Variants in NUMA1 observed in about 807,000 individuals in gnomAD.
NUMA1 encodes SP-H antigen.
A neutral mutation model predicts 237.1 loss-of-function variants in NUMA1; 62 were observed. The ratio of observed to expected loss-of-function variants is 0.26; its 90% CI spans 0.21 to 0.32. NUMA1 has a LOEUF of 0.32. Among genes scored for constraint, NUMA1 ranks in the 10% least tolerant of loss-of-function variants. The probability of loss-of-function intolerance (pLI) is 1.00; values close to 1 mark genes in which losing one functional copy is unlikely to be tolerated. For missense variants in NUMA1, 2,533 were observed against 2,666.5 expected (o/e 0.95, Z 1.10); for synonymous variants, 1,028 against 1,066.1 (o/e 0.96, Z 0.70).
intron 2 of NUMA1, among the ~76,000 whole-genome samples, chr11:72,069,241 T>C (rs942072294): frequency 5.3e-5 from 8 of 152,160 alleles, no homozygotes; most frequent in African/African-American, 7.2e-5. Flanking sequence ...CTGGAAGAAA[T>C]CTTCAAGATC....
chr11:72,003,508 A>G lies in NUMA1; in HGVS notation c.*19T>C, dbSNP rs1005868683. The stretch of plus-strand genomic sequence containing the variant: ...CAGCATCGGGGACACAGGTGGGGCC[A>G]CTCACTGGTACTGGCCCTTTAGTGC... On this transcript the variant is annotated 3_prime_UTR_variant, in exon 27 of 27. Coordinates refer to ENST00000393695, the MANE Select transcript of NUMA1 (RefSeq NM_006185.4). The G allele has an allele frequency of 1.9e-6, 3 of 1,613,702 alleles. No individual in the cohort carries two copies. Among genetic ancestry groups the G allele is most frequent in the South Asian group, 1.1e-5 (1 of 91,078 alleles).
intron 20 of NUMA1, 44 bp downstream of exon 20, chr11:72,008,644 A>G: frequency 6.3e-7 from 1 of 1,596,046 alleles, no homozygotes; most frequent in African/African-American, 1.3e-5. Flanking sequence ...GATAAACAGC[A>G]GGCACTCCAT....
In NUMA1 at chr11:72,016,448, G is replaced by A. The variant is rs1404718812; in HGVS notation, c.1202C>T (p.Pro401Leu). The A allele has an allele frequency of 6.2e-7, 1 of 1,614,088 alleles. No homozygotes were observed. Among genetic ancestry groups the A allele is most frequent in the East Asian group, 2.2e-5 (1 of 44,870 alleles). ...CAGCACCTCGCCCTTCTCCTGGGGT[G>A]GGTTATCCTGCAGCTGGGACAAGTG... ...EEHLSQLQDN[P>L]PQEKGEVLGD... The change falls in exon 14 of 27, where the codon CCA becomes CTA. Residue 401 changes from proline to leucine, a missense_variant. Around this residue, in one of 3 missense-constraint regions of NUMA1, gnomAD observed 1,414 missense variants for 1,508.1 expected, o/e 0.94. Transcript: ENST00000393695.
chr11:72,074,747 A>G (rs560172112), intron 1 of NUMA1, among the ~76,000 whole-genome samples: 2 of 151,296 alleles, frequency 1.3e-5, no homozygotes, highest in South Asian at 2.1e-4. Flanking sequence ...TCAAAATAAC[A>G]AACAGGCTGG....
chr11:72,006,816 G>T (rs1278711189), intron 21 of NUMA1, among the ~76,000 whole-genome samples: 1 of 152,190 alleles, frequency 6.6e-6, no homozygotes, highest in African/African-American at 2.4e-5. Context: ...GGAAACAAAG[G>T]CAAGGGCCTG....
At chr11:72,018,729 G>T in intron 10 of NUMA1, 94 bp downstream of exon 10, 1 of 1,449,260 alleles carries the variant, frequency 6.9e-7, no homozygotes, top group Non-Finnish European at 9.4e-7. Flanking sequence ...TGAGCTCTCA[G>T]CTCCAGGGGC....
rs894724100 is a variant in NUMA1 at position 72,034,594 on chromosome 11, G to A, written c.42+1308C>T. ...ATGGTGGCGTGCACCTGTAATCCCA[G>A]CTACTCGGGAGGCTGAAGCAGGAGA... On this transcript the variant is annotated intron_variant, in intron 3 of 26. Transcript: ENST00000393695. Among the ~76,000 whole-genome samples the A allele has an allele frequency of 5.3e-5, 8 of 152,094 alleles. 1 individual carries two copies. The East Asian group carries it at 1.6e-3, about 30-fold the overall frequency.
intron 2 of NUMA1, among the ~76,000 whole-genome samples, chr11:72,051,266 G>A (rs540648413): frequency 2.6e-5 from 4 of 152,244 alleles, no homozygotes; most frequent in African/African-American, 7.2e-5. Context: ...TGGCATCACT[G>A]AGAAGTACAA....
intron 26 of NUMA1, 39 bp from the exon 27 acceptor site, chr11:72,003,577 C>A: frequency 3.1e-6 from 5 of 1,613,638 alleles, no homozygotes; most frequent in Non-Finnish European, 4.2e-6. Context: ...TGAGAACTTG[C>A]GATACTAGCC....
At chr11:72,024,473 C>A in intron 4 of NUMA1, 120 bp from the exon 5 acceptor site, 1 of 878,882 alleles carries the variant, frequency 1.1e-6, no homozygotes, top group East Asian at 2.4e-5. Flanking sequence ...TGGAAGAGAT[C>A]CAGATCAGAT....
intron 3 of NUMA1, among the ~76,000 whole-genome samples, chr11:72,035,654 A>G (rs894821900): frequency 2.6e-5 from 4 of 151,678 alleles, no homozygotes; most frequent in African/African-American, 9.7e-5. Context: ...CAGGTGATCC[A>G]CCTGCCTCGG....
rs773703275 is a variant in NUMA1, at chr11:72,009,102, C to T, written c.4923G>A (p.Leu1641=). 2 of 1,613,254 alleles carry T rather than the reference C, an allele frequency of 1.2e-6. No individual in the cohort carries two copies. The highest frequency in any genetic ancestry group is 1.3e-5 in the African/African-American group (1 of 74,944). Reference sequence around the variant, plus strand: ...CTCGCAGCTCTTTGTTTTCCTTCTGCAGCTGCTCCAGGCTCCGCAGCTGCT... The same window carrying T: ...CTCGCAGCTCTTTGTTTTCCTTCTGTAGCTGCTCCAGGCTCCGCAGCTGCT... The part of the protein sequence containing the change: ...LQEQLRSLEQ[L]QKENKELRAE... Residue 1641 remains leucine (L), a synonymous_variant, in exon 19 of 27, where the codon CTG becomes CTA. Coordinates refer to ENST00000393695, the MANE Select transcript of NUMA1 (RefSeq NM_006185.4).
At chr11:72,008,056 CA>C (rs1307511378) in intron 20 of NUMA1, 3 of 468,962 alleles carry the variant, frequency 6.4e-6, no homozygotes, top group Non-Finnish European at 1.3e-5. Context: ...CTCTATGCCC[CA>C]GATTCATCTG....
rs1956257336 is a variant in NUMA1, at chr11:72,013,052, C to A, written c.4451G>T (p.Arg1484Leu). ...EKYVQELAAV[R>L]ADAETRLAEV... ...AGCCAGACGGGTCTCAGCATCAGCACGTACGGCTGCCAACTCTTGGACATA... is the reference window on the plus strand; with the variant it reads ...AGCCAGACGGGTCTCAGCATCAGCAAGTACGGCTGCCAACTCTTGGACATA... The change falls in exon 15 of 27, where the codon CGT (arginine) becomes CTT (leucine). Residue 1484 changes from arginine (R) to leucine (L), a missense_variant. This residue lies in a region of NUMA1 where 324 missense variants were observed against 407.6 expected (regional missense o/e 0.79). Transcript: ENST00000393695. This position sits in a 1 kb window ranked among gnomAD's most constrained non-coding sequence, Gnocchi z 6.8. The A allele has an allele frequency of 6.2e-7, 1 of 1,614,216 alleles. No individual in the cohort carries two copies. The highest frequency in any genetic ancestry group is 8.5e-7 in the Non-Finnish European group (1 of 1,180,040).
intron 13 of NUMA1, chr11:72,017,414 G>T: frequency 2.0e-6 from 1 of 491,812 alleles, no homozygotes; most frequent in Non-Finnish European, 3.7e-6. Flanking sequence ...AAAACAGACT[G>T]ATTAACTTGT....
At chr11:72,051,682 CTGGT>C (rs997804076) in intron 2 of NUMA1, among the ~76,000 whole-genome samples, 2 of 152,230 alleles carry the variant, frequency 1.3e-5, no homozygotes, top group African/African-American at 4.8e-5. Context: ...TTTGCCCAAG[CTGGT>C]CTCAAACTCT....
rs748303007 is a variant in NUMA1 at position 72,013,027 on chromosome 11, A to T, written c.4476T>A (p.Ala1492=). The T allele has an allele frequency of 6.2e-7, 1 of 1,614,118 alleles. No homozygotes were observed. Among genetic ancestry groups the T allele is most frequent in the South Asian group, 1.1e-5 (1 of 91,086 alleles). The change falls in exon 15 of 27, where the codon GCT becomes GCA. Residue 1492 remains alanine, a synonymous_variant. Transcript: ENST00000393695. The surrounding 1 kb of genome is among the most constrained non-coding windows in gnomAD (Gnocchi z 6.8). ...AVRADAETRL[A]EVQREAQSTA... Reference sequence around the variant, plus strand: ...TGCTCTGTGCTTCTCGCTGCACCTCAGCCAGACGGGTCTCAGCATCAGCAC... The same window carrying T: ...TGCTCTGTGCTTCTCGCTGCACCTCTGCCAGACGGGTCTCAGCATCAGCAC...
chr11:72,013,731 C>G lies in NUMA1; in HGVS notation c.3772G>C (p.Glu1258Gln). ...SKELKRLVMA[E>Q]SEKSQKLEER... ...TCCAGCTTCTGGCTCTTCTCTGACTCGGCCATCACCAGCCGCTTCAACTCC... is the reference window on the plus strand; with the variant it reads ...TCCAGCTTCTGGCTCTTCTCTGACTGGGCCATCACCAGCCGCTTCAACTCC... Residue 1258 changes from glutamate (E) to glutamine (Q), a missense_variant, in exon 15 of 27, where the codon GAG (glutamate) becomes CAG (glutamine). By Grantham distance (29) the Glu-to-Gln change is conservative. This residue lies in a region of NUMA1 where 324 missense variants were observed against 407.6 expected (regional missense o/e 0.79). Transcript: ENST00000393695. This position sits in a 1 kb window ranked among gnomAD's most constrained non-coding sequence, Gnocchi z 6.8. The G allele has an allele frequency of 6.2e-7, 1 of 1,609,792 alleles. No homozygotes were observed. Among genetic ancestry groups the G allele is most frequent in the South Asian group, 1.1e-5 (1 of 91,088 alleles).
intron 2 of NUMA1, among the ~76,000 whole-genome samples, chr11:72,038,641 C>T (rs919261619): frequency 4.6e-5 from 7 of 152,074 alleles, no homozygotes; most frequent in African/African-American, 1.7e-4. Context: ...CCATCCTCCC[C>T]ACCCTCCCCC....
Sources: gnomAD v4.1 joint callset for allele counts (sites outside exome capture counted in the v4.1 genomes callset) on GRCh38, gnomAD v4.1.1 for gene constraint, gnomAD v4.1.1 regional missense constraint, Gnocchi (gnomAD v3.1) non-coding constraint, MANE v1.5 for transcripts, NCBI Gene and HGNC (gene_info 2026-07-23, HGNC 2026-07-21) for gene names.